Variants in PITPNC1 observed in about 807,000 individuals in gnomAD.
PITPNC1 encodes cytoplasmic phosphatidylinositol transfer protein 1.
Under a neutral mutation model 44.7 loss-of-function variants are expected in PITPNC1, and 18 were observed. The observed-to-expected ratio is 0.40, with a 90% CI of 0.28 to 0.60. The LOEUF (loss-of-function observed/expected upper bound fraction) is 0.60, where lower values mean the gene tolerates loss of function less well. Among genes scored for constraint, PITPNC1 ranks in the 20% least tolerant of loss-of-function variants. The pLI, the probability that PITPNC1 is intolerant of heterozygous loss-of-function variation, is 0.39. For missense variants in PITPNC1, 290 were observed against 418.4 expected, an observed-to-expected ratio of 0.69 and a Z score of 2.68; for synonymous variants, 141 against 149.6, an observed-to-expected ratio of 0.94 and a Z score of 0.42.
chr17:67,534,054 C>G (rs1218775919), intron 2 of PITPNC1, among the ~76,000 whole-genome samples: 2 of 151,982 alleles, frequency 1.3e-5, no homozygotes, highest in Non-Finnish European at 2.9e-5. Context: ...ACCACCACTC[C>G]TGGCTAATTT....
At chr17:67,689,161 C>T (rs931906998) in intron 8 of PITPNC1, among the ~76,000 whole-genome samples, 3 of 152,080 alleles carry the variant, frequency 2.0e-5, no homozygotes, top group African/African-American at 7.2e-5. Context: ...GAGATTGTGC[C>T]ACTGCACTCC....
At chr17:67,421,095 T>C (rs1261559287) in intron 1 of PITPNC1, among the ~76,000 whole-genome samples, 1 of 152,134 alleles carries the variant, frequency 6.6e-6, no homozygotes, top group Non-Finnish European at 1.5e-5. Context: ...CCACCCTGGC[T>C]TCCTTCCTTC....
chr17:67,406,204 G>C (rs1261323226), intron 1 of PITPNC1, among the ~76,000 whole-genome samples: 2 of 151,970 alleles, frequency 1.3e-5, no homozygotes, highest in African/African-American at 2.4e-5. Context: ...TTTCACAGGC[G>C]CGATCATCAC....
intron 6 of PITPNC1, among the ~76,000 whole-genome samples, chr17:67,633,341 G>A (rs1057156654): frequency 3.3e-5 from 5 of 152,158 alleles, no homozygotes; most frequent in Non-Finnish European, 7.4e-5. Context: ...GAATTCTGTC[G>A]TTACGCAAAT....
intron 1 of PITPNC1, among the ~76,000 whole-genome samples, chr17:67,483,180 A>AT (rs2039726901): frequency 6.6e-6 from 1 of 152,176 alleles, no homozygotes; most frequent in African/African-American, 2.4e-5. Flanking sequence ...AGCTGCAGAG[A>AT]TCATGAGGGA....
chr17:67,506,104 A>G (rs1165316698), intron 1 of PITPNC1, among the ~76,000 whole-genome samples: 1 of 151,914 alleles, frequency 6.6e-6, no homozygotes, highest in Non-Finnish European at 1.5e-5. Flanking sequence ...TCAAATCATC[A>G]TGCTTGGGCT....
chr17:67,569,421 C>T (rs1318154977), intron 4 of PITPNC1, among the ~76,000 whole-genome samples: 1 of 152,210 alleles, frequency 6.6e-6, no homozygotes, highest in African/African-American at 2.4e-5. Flanking sequence ...CTTGTCTTTC[C>T]TGGCGTTCTT....
intron 6 of PITPNC1, among the ~76,000 whole-genome samples, chr17:67,647,564 C>T (rs769597726): frequency 6.7e-4 from 100 of 148,912 alleles, no homozygotes; most frequent in Admixed American, 2.1e-3. Flanking sequence ...ACCATCTGCC[C>T]GCCTCAGCCT....
intron 1 of PITPNC1, among the ~76,000 whole-genome samples, chr17:67,470,603 C>G (rs1213584532): frequency 6.6e-6 from 1 of 152,166 alleles, no homozygotes; most frequent in Non-Finnish European, 1.5e-5. Flanking sequence ...CCTGCCCGGC[C>G]AGCCGCCCCG....
chr17:67,692,770 G>A lies in PITPNC1; in HGVS notation c.881G>A (p.Arg294Gln), dbSNP rs763759053. The A allele has an allele frequency of 6.2e-6, 10 of 1,613,638 alleles. No homozygotes were observed. Among genetic ancestry groups the A allele is most frequent in the Admixed American group, 3.3e-5 (2 of 59,988 alleles). The stretch of plus-strand genomic sequence containing the variant: ...GAATTTCTGTCCGTTCCCAAAGATC[G>A]GCCCCGGAAAAAGTCTGCCCCAGAA... Reference protein sequence around the residue: ...APEFLSVPKDRPRKKSAPETL... With the variant: ...APEFLSVPKDQPRKKSAPETL... Residue 294 changes from arginine to glutamine, a missense_variant, in exon 9 of 9, where the codon CGG (arginine) becomes CAG (glutamine). Coordinates refer to ENST00000581322, the MANE Select transcript of PITPNC1 (RefSeq NM_012417.4).
intron 1 of PITPNC1, among the ~76,000 whole-genome samples, chr17:67,407,305 C>T (rs1168025047): frequency 6.6e-6 from 1 of 152,154 alleles, no homozygotes; most frequent in African/African-American, 2.4e-5. Context: ...TGTATATCTT[C>T]TTTGAATAAA....
In PITPNC1 at chr17:67,688,355, A is replaced by G. The variant is rs374762324; in HGVS notation, c.683-4217A>G. Among the ~76,000 whole-genome samples, 273 of 150,378 alleles carry G rather than the reference A, an allele frequency of 1.8e-3. 4 individuals carry two copies. Among genetic ancestry groups the G allele is most frequent in the African/African-American group, 6.4e-3 (263 of 40,862 alleles). ...TTCTGTCTCAAAAAAAAAAAAATCA[A>G]TGCTGTAGTTCTAGGAAATTTAGAT... is the stretch of plus-strand genomic sequence containing the variant. On this transcript the variant is annotated intron_variant, in intron 8 of 8. Coordinates refer to ENST00000581322, the MANE Select transcript of PITPNC1 (RefSeq NM_012417.4).
intron 6 of PITPNC1, among the ~76,000 whole-genome samples, chr17:67,666,993 G>A (rs1052047922): frequency 4.6e-5 from 7 of 152,196 alleles, no homozygotes; most frequent in Non-Finnish European, 1.0e-4. Context: ...AAGGGCTGGG[G>A]CTGTCCCAGC....
chr17:67,443,300 T>A (rs1321899461), intron 1 of PITPNC1, among the ~76,000 whole-genome samples: 1 of 152,030 alleles, frequency 6.6e-6, no homozygotes, highest in Admixed American at 6.6e-5. Context: ...ATATTCCTGT[T>A]AGCTCTCAAG....
chr17:67,518,943 A>G (rs962155358), intron 1 of PITPNC1, among the ~76,000 whole-genome samples: 2 of 152,150 alleles, frequency 1.3e-5, no homozygotes, highest in African/African-American at 4.8e-5. Context: ...CCCTTTCCCT[A>G]AAAGTATTTT....
chr17:67,398,381 A>G (rs1290608873), intron 1 of PITPNC1, among the ~76,000 whole-genome samples: 2 of 152,098 alleles, frequency 1.3e-5, no homozygotes, highest in Non-Finnish European at 2.9e-5. Flanking sequence ...TCTGTATAAA[A>G]AGTTGTCGAG....
At chr17:67,614,122 C>A (rs1460952817) in intron 5 of PITPNC1, among the ~76,000 whole-genome samples, 1 of 151,148 alleles carries the variant, frequency 6.6e-6, no homozygotes, top group East Asian at 2.0e-4. Flanking sequence ...GAAAAAAGAG[C>A]GCTAGGCTTG....
chr17:67,639,243 G>A (rs2042067327), intron 6 of PITPNC1, among the ~76,000 whole-genome samples: 1 of 152,104 alleles, frequency 6.6e-6, no homozygotes, highest in African/African-American at 2.4e-5. Context: ...AGAAAACTTA[G>A]TAAAACCTAC....
rs148453523 is a variant in PITPNC1, at chr17:67,418,676, T to C, written c.48+40474T>C. 4.9e-3 allele frequency among the ~76,000 whole-genome samples: 742 copies of C among 152,202 alleles called. 6 individuals are homozygous for C. Among genetic ancestry groups the C allele is most frequent in the African/African-American group, 0.016 (683 of 41,506 alleles). On this transcript the variant is annotated intron_variant, in intron 1 of 8. Coordinates refer to ENST00000581322, the MANE Select transcript of PITPNC1 (RefSeq NM_012417.4). ...CCTGGGTTCTAGCTATTCTCCTGCC[T>C]CAGCCTCCCGAGTAGCTGGAATTAC...
Sources: gnomAD v4.1 joint callset for allele counts (sites outside exome capture counted in the v4.1 genomes callset) on GRCh38, gnomAD v4.1.1 for gene constraint, MANE v1.5 for transcripts, NCBI Gene and HGNC (gene_info 2026-07-23, HGNC 2026-07-21) for gene names.